Variants in HIKESHI observed in about 807,000 individuals in gnomAD.
The protein encoded by HIKESHI is heat shock protein nuclear import factor hikeshi, also known as protein Hikeshi.
Under a neutral mutation model 25.7 loss-of-function variants are expected in HIKESHI, and 13 were observed. The ratio of observed to expected loss-of-function variants is 0.51; its 90% CI spans 0.33 to 0.80. The LOEUF (loss-of-function observed/expected upper bound fraction) is 0.80, where lower values mean the gene tolerates loss of function less well. Ranked by LOEUF, HIKESHI falls within the 30% of genes least tolerant of loss-of-function variation. HIKESHI has a pLI of 0.02. For missense variants in HIKESHI, 174 were observed against 229.5 expected, an observed-to-expected ratio of 0.76 and a Z score of 1.56; for synonymous variants, 76 against 78.7, an observed-to-expected ratio of 0.97 and a Z score of 0.18.
At chr11:86,327,360 G>A (rs1358966482) in intron 2 of HIKESHI, among the ~76,000 whole-genome samples, 2 of 151,834 alleles carry the variant, frequency 1.3e-5, no homozygotes, top group African/African-American at 2.4e-5. Context: ...TGTCGCCCAG[G>A]CTAGAGCGTA....
At chr11:86,304,324 CCTT>C (rs987735439) in intron 1 of HIKESHI, among the ~76,000 whole-genome samples, 5 of 151,998 alleles carry the variant, frequency 3.3e-5, no homozygotes, top group Non-Finnish European at 7.4e-5. Flanking sequence ...CATGTCATAG[CCTT>C]CTTGCACTTA....
intron 2 of HIKESHI, among the ~76,000 whole-genome samples, chr11:86,318,148 C>G (rs1418775092): frequency 6.6e-6 from 1 of 150,648 alleles, no homozygotes; most frequent in Non-Finnish European, 1.5e-5. Flanking sequence ...ACTAAAAATA[C>G]AAAAAAATAG....
chr11:86,317,650 C>A (rs921975651), intron 2 of HIKESHI, among the ~76,000 whole-genome samples: 1 of 151,844 alleles, frequency 6.6e-6, no homozygotes, highest in African/African-American at 2.4e-5. Flanking sequence ...ACTAAAAATA[C>A]AAAAAATTAG....
intron 2 of HIKESHI, among the ~76,000 whole-genome samples, chr11:86,315,951 AT>A (rs1176537107): frequency 1.3e-5 from 2 of 152,024 alleles, no homozygotes; most frequent in Non-Finnish European, 2.9e-5. Flanking sequence ...GAGTAATAAT[AT>A]TGATTCTCCT....
chr11:86,319,269 A>G, intron 2 of HIKESHI, among the ~76,000 whole-genome samples: 1 of 121,904 alleles, frequency 8.2e-6, no homozygotes. Flanking sequence ...GACCAGTCTC[A>G]CTCTGTGGCC....
chr11:86,328,921 TGTGTGTGC>T (rs1474940428), intron 2 of HIKESHI, among the ~76,000 whole-genome samples: 2 of 145,628 alleles, frequency 1.4e-5, no homozygotes, highest in African/African-American at 5.1e-5. Flanking sequence ...TGTGTGTGTG[TGTGTGTGC>T]GCGCACACAC....
In HIKESHI at chr11:86,319,240, A is replaced by ATTTTTTTT. The variant is rs1273706275; in HGVS notation, c.268+12759_268+12760insTTTTTTTT. Among the ~76,000 whole-genome samples, 392 of 92,860 alleles carry ATTTTTTTT rather than the reference A, an allele frequency of 4.2e-3. 10 individuals carry two copies. The East Asian group carries it at 0.065, about 15-fold the overall frequency. The allele number at this position is 92,860 out of a possible 152,430, so 60.9% of individuals were successfully genotyped here. A position where few individuals can be genotyped will look rare whatever the true frequency, so the allele number is the denominator to read the frequency against. On this transcript the variant is annotated intron_variant, in intron 2 of 4. Transcript: ENST00000278483. ...AAAATATATATATATATATATATATATATTTTTTTTTTTTTTGAGACCAGT... is the reference window on the plus strand; with the variant it reads ...AAAATATATATATATATATATATATATTTTTTTTTATTTTTTTTTTTTTTGAGACCAGT...
At chr11:86,322,876 A>G (rs571128284) in intron 2 of HIKESHI, among the ~76,000 whole-genome samples, 9 of 152,274 alleles carry the variant, frequency 5.9e-5, no homozygotes, top group African/African-American at 2.2e-4. Context: ...ATTTTTCTGC[A>G]TCCATCATCA....
At chr11:86,328,999 C>A (rs192041941) in intron 2 of HIKESHI, among the ~76,000 whole-genome samples, 1 of 151,112 alleles carries the variant, frequency 6.6e-6, no homozygotes, top group East Asian at 2.0e-4. Flanking sequence ...CTTAATATTA[C>A]CTCATAATGG....
At chr11:86,321,213 G>A (rs1261073718) in intron 2 of HIKESHI, among the ~76,000 whole-genome samples, 1 of 152,158 alleles carries the variant, frequency 6.6e-6, no homozygotes, top group Admixed American at 6.5e-5. Flanking sequence ...GATTATAGGT[G>A]TTAGCCACTG....
intron 2 of HIKESHI, among the ~76,000 whole-genome samples, chr11:86,324,745 A>G (rs185738788): frequency 1.9e-4 from 29 of 152,310 alleles, no homozygotes; most frequent in Non-Finnish European, 2.6e-4. Flanking sequence ...CTTGCTAACT[A>G]GCACATCAGG....
chr11:86,344,760 A>G, intron 4 of HIKESHI, 39 bp downstream of exon 4: 3 of 1,239,400 alleles, frequency 2.4e-6, no homozygotes, highest in Non-Finnish European at 3.5e-6. Flanking sequence ...AAGGCTTTTT[A>G]TAACTGAATA....
At chr11:86,318,703 G>A (rs1417175175) in intron 2 of HIKESHI, among the ~76,000 whole-genome samples, 2 of 152,036 alleles carry the variant, frequency 1.3e-5, no homozygotes, top group East Asian at 1.9e-4. Context: ...GATTTAAGTG[G>A]AATATTGAAC....
chr11:86,317,245 A>T (rs1352523787), intron 2 of HIKESHI, among the ~76,000 whole-genome samples: 3 of 152,142 alleles, frequency 2.0e-5, no homozygotes, highest in Non-Finnish European at 4.4e-5. Flanking sequence ...AGGAAGACTT[A>T]AGTATTTCTA....
At chr11:86,315,963 T>C (rs1412861963) in intron 2 of HIKESHI, among the ~76,000 whole-genome samples, 1 of 152,028 alleles carries the variant, frequency 6.6e-6, no homozygotes, top group Non-Finnish European at 1.5e-5. Context: ...TGATTCTCCT[T>C]ACAAGTAATC....
intron 3 of HIKESHI, among the ~76,000 whole-genome samples, chr11:86,338,628 T>A (rs1005431640): frequency 2.0e-5 from 3 of 152,228 alleles, no homozygotes; most frequent in Admixed American, 2.0e-4. Flanking sequence ...TGTGTTTGCC[T>A]GGCAGTACCA....
At chr11:86,342,723 A>ATTTTT (rs57183083) in intron 3 of HIKESHI, among the ~76,000 whole-genome samples, 1 of 148,880 alleles carries the variant, frequency 6.7e-6, no homozygotes, top group Non-Finnish European at 1.5e-5. Context: ...AATTTGTCCC[A>ATTTTT]TTTTTTTTTT....
intron 2 of HIKESHI, among the ~76,000 whole-genome samples, chr11:86,312,890 C>G (rs1472229685): frequency 1.3e-5 from 2 of 152,152 alleles, no homozygotes; most frequent in East Asian, 1.9e-4. Flanking sequence ...TTGGCCCCCA[C>G]TCTCTTCTGG....
intron 2 of HIKESHI, chr11:86,324,031 G>C (rs1446806044): frequency 6.6e-6 from 1 of 152,002 alleles, no homozygotes; most frequent in Non-Finnish European, 1.5e-5. Context: ...GTCTCACTAT[G>C]TTGCCCAGGC....
Sources: gnomAD v4.1 joint callset for allele counts (sites outside exome capture counted in the v4.1 genomes callset) on GRCh38, gnomAD v4.1.1 for gene constraint, MANE v1.5 for transcripts, NCBI Gene and HGNC (gene_info 2026-07-23, HGNC 2026-07-21) for gene names.